The following CREB5 variants were observed in gnomAD, a reference collection of about 807,000 sequenced individuals.
The protein encoded by CREB5 is cAMP responsive element binding protein 5, also known as cyclic AMP-responsive element-binding protein 5.
A neutral mutation model predicts 57.1 loss-of-function variants in CREB5; 19 were observed. That is an observed-to-expected ratio of 0.33 (90% CI 0.23 to 0.49). The LOEUF is 0.49. Among genes scored for constraint, CREB5 ranks in the 20% least tolerant of loss-of-function variants. The pLI is 0.99. For missense variants in CREB5, 579 were observed against 671.6 expected (o/e 0.86, Z 1.52); for synonymous variants, 238 against 238.3 (o/e 1.00, Z 0.01).
chr7:28,424,382 T>A (rs927688660), intron 1 of CREB5, among the ~76,000 whole-genome samples: 1 of 152,198 alleles, frequency 6.6e-6, no homozygotes, highest in African/African-American at 2.4e-5. Flanking sequence ...TTGGGAGTGA[T>A]ATGTTTTCTA....
chr7:28,442,360 G>A (rs1030304009), intron 1 of CREB5, among the ~76,000 whole-genome samples: 16 of 152,136 alleles, frequency 1.1e-4, no homozygotes, highest in African/African-American at 3.9e-4. Flanking sequence ...CATATAGGTT[G>A]ATTCTATATC....
chr7:28,617,771 A>T (rs576200601), intron 5 of CREB5, among the ~76,000 whole-genome samples: 1 of 152,266 alleles, frequency 6.6e-6, no homozygotes, highest in African/African-American at 2.4e-5. Flanking sequence ...TCTATTTTTA[A>T]AAAATCAGAG....
intron 4 of CREB5, among the ~76,000 whole-genome samples, chr7:28,536,678 C>T (rs1205167431): frequency 6.6e-6 from 1 of 152,180 alleles, no homozygotes; most frequent in African/African-American, 2.4e-5. Context: ...CTAATAATAT[C>T]TACTACTGTT....
intron 3 of CREB5, among the ~76,000 whole-genome samples, chr7:28,497,772 T>A (rs985813394): frequency 6.6e-6 from 1 of 152,238 alleles, no homozygotes; most frequent in Non-Finnish European, 1.5e-5. Context: ...TGTTATTTTT[T>A]AATTTTTTCT....
At chr7:28,721,558 T>C (rs866017001) in intron 6 of CREB5, among the ~76,000 whole-genome samples, 3 of 152,208 alleles carry the variant, frequency 2.0e-5, no homozygotes, top group Middle Eastern at 3.2e-3. Context: ...AGTCTGTGTC[T>C]ATAAGTGAGG....
At chr7:28,509,680 G>T (rs1339655085) in intron 4 of CREB5, among the ~76,000 whole-genome samples, 1 of 152,130 alleles carries the variant, frequency 6.6e-6, no homozygotes, top group Non-Finnish European at 1.5e-5. Flanking sequence ...AAAGAGTATA[G>T]ATAATTAAAT....
chr7:28,711,591 T>G (rs752693779), intron 5 of CREB5, among the ~76,000 whole-genome samples: 1 of 152,230 alleles, frequency 6.6e-6, no homozygotes, highest in Non-Finnish European at 1.5e-5. Context: ...GCTTCTGTGT[T>G]CATTTGTCAT....
intron 1 of CREB5, among the ~76,000 whole-genome samples, chr7:28,336,356 A>C (rs890050221): frequency 6.6e-6 from 1 of 152,006 alleles, no homozygotes; most frequent in Non-Finnish European, 1.5e-5. Context: ...ACTTTTTATT[A>C]TGGCTTTGAT....
At chr7:28,758,749 C>A (rs2128768188) in intron 7 of CREB5, among the ~76,000 whole-genome samples, 1 of 152,236 alleles carries the variant, frequency 6.6e-6, no homozygotes, top group East Asian at 1.9e-4. Context: ...ATATGCTAGC[C>A]AAAAAGAACC....
At chr7:28,549,982 C>G (rs1273706109) in intron 4 of CREB5, among the ~76,000 whole-genome samples, 2 of 152,144 alleles carry the variant, frequency 1.3e-5, no homozygotes, top group East Asian at 3.9e-4. Context: ...ATACCTTGGC[C>G]TTTGGCTGCT....
intron 1 of CREB5, among the ~76,000 whole-genome samples, chr7:28,319,823 T>G (rs1785458924): frequency 6.6e-6 from 1 of 152,220 alleles, no homozygotes; most frequent in Non-Finnish European, 1.5e-5. Context: ...GGCAGGAGGC[T>G]GGGAAGGTGG....
At chr7:28,335,435 G>A (rs1044214816) in intron 1 of CREB5, among the ~76,000 whole-genome samples, 1 of 151,664 alleles carries the variant, frequency 6.6e-6, no homozygotes, top group African/African-American at 2.4e-5. Flanking sequence ...TAATTCCTAG[G>A]TATTTAATTT....
At chr7:28,454,663 C>T (rs563887744) in intron 1 of CREB5, among the ~76,000 whole-genome samples, 6 of 152,270 alleles carry the variant, frequency 3.9e-5, no homozygotes, top group Admixed American at 6.5e-5. Flanking sequence ...TGTCAGTGAA[C>T]GCAGATATTG....
chr7:28,607,853 C>T (rs1797209467), intron 5 of CREB5, among the ~76,000 whole-genome samples: 1 of 149,718 alleles, frequency 6.7e-6, no homozygotes, highest in African/African-American at 2.5e-5. Flanking sequence ...TGGGAGTTGG[C>T]TTGCTTTTAA....
chr7:28,467,671 T>C (rs1027195443), intron 1 of CREB5, among the ~76,000 whole-genome samples: 1 of 152,180 alleles, frequency 6.6e-6, no homozygotes, highest in Non-Finnish European at 1.5e-5. Flanking sequence ...ATTTCCCGCA[T>C]TGTTATGAAG....
At chr7:28,750,210 C>T (rs936184768) in intron 7 of CREB5, among the ~76,000 whole-genome samples, 5 of 152,118 alleles carry the variant, frequency 3.3e-5, no homozygotes, top group Non-Finnish European at 5.9e-5. Context: ...AGCCCCCAGC[C>T]CCAGAACCAG....
intron 1 of CREB5, among the ~76,000 whole-genome samples, chr7:28,337,458 G>T (rs185630687): frequency 1.2e-4 from 18 of 151,518 alleles, no homozygotes; most frequent in Admixed American, 5.9e-4. Context: ...GACTTTCTTT[G>T]TCTCTTTTTT....
chr7:28,393,900 C>T (rs1339415247), intron 1 of CREB5, among the ~76,000 whole-genome samples: 2 of 151,646 alleles, frequency 1.3e-5, no homozygotes, highest in African/African-American at 4.8e-5. Flanking sequence ...CATGGTGAAA[C>T]CTCATCTCTA....
chr7:28,708,548 C>A (rs576324434), intron 5 of CREB5, among the ~76,000 whole-genome samples: 2 of 152,102 alleles, frequency 1.3e-5, no homozygotes, highest in Admixed American at 6.6e-5. Context: ...AATCGAAGAG[C>A]CTTGCAGGAG....
Sources: gnomAD v4.1 joint callset for allele counts (sites outside exome capture counted in the v4.1 genomes callset) on GRCh38, gnomAD v4.1.1 for gene constraint, MANE v1.5 for transcripts, NCBI Gene and HGNC (gene_info 2026-07-23, HGNC 2026-07-21) for gene names.